Variants in CCDC3 observed in about 807,000 individuals in gnomAD.
CCDC3 encodes coiled-coil domain containing 3.
A neutral mutation model predicts 21.4 loss-of-function variants in CCDC3; 24 were observed. The observed-to-expected ratio is 1.12, with a 90% CI of 0.81 to 1.58. CCDC3 has a LOEUF of 1.58. CCDC3 is among the 40% of genes most tolerant of loss of function. The pLI is 0.00. For missense variants in CCDC3, 425 were observed against 360.9 expected (o/e 1.18, Z -1.44); for synonymous variants, 186 against 166.0 (o/e 1.12, Z -0.93).
At chr10:12,917,310 C>T (rs895623744) in intron 2 of CCDC3, among the ~76,000 whole-genome samples, 1 of 150,306 alleles carries the variant, frequency 6.7e-6, no homozygotes. Flanking sequence ...TCTCCTGCCT[C>T]AGCCTCCTGA....
At chr10:13,012,388 A>G (rs939507413) in intron 5 of CCDC3, among the ~76,000 whole-genome samples, 7 of 152,334 alleles carry the variant, frequency 4.6e-5, no homozygotes, top group African/African-American at 1.7e-4. Flanking sequence ...AAATGAACAG[A>G]TATTTTTCAA....
At chr10:13,084,178 A>C (rs1208928533) in intron 3 of CCDC3, among the ~76,000 whole-genome samples, 1 of 152,140 alleles carries the variant, frequency 6.6e-6, no homozygotes, top group African/African-American at 2.4e-5. Context: ...TTTATCCTAC[A>C]TAAATGAGTA....
At chr10:12,998,048 G>A (rs886242346) in intron 2 of CCDC3, among the ~76,000 whole-genome samples, 6 of 152,284 alleles carry the variant, frequency 3.9e-5, no homozygotes, top group Non-Finnish European at 8.8e-5. Context: ...TCCCTGTTCT[G>A]TAGAAGAGGA....
intron 2 of CCDC3, among the ~76,000 whole-genome samples, chr10:12,985,548 C>G (rs1164537272): frequency 6.6e-6 from 1 of 151,026 alleles, no homozygotes; most frequent in African/African-American, 2.4e-5. Flanking sequence ...GTAGGCAACT[C>G]GTTAAGCAAT....
chr10:12,998,946 G>T (rs185134716), intron 1 of CCDC3, among the ~76,000 whole-genome samples: 59 of 152,258 alleles, frequency 3.9e-4, no homozygotes, highest in African/African-American at 1.3e-3. Flanking sequence ...TCTGCAAAAA[G>T]AATATAGTAC....
At chr10:12,995,971 A>C (rs1835756258) in intron 2 of CCDC3, among the ~76,000 whole-genome samples, 1 of 152,232 alleles carries the variant, frequency 6.6e-6, no homozygotes, top group Admixed American at 6.5e-5. Context: ...TAAGATTTTA[A>C]GGGCTAACCT....
chr10:13,097,656 G>A (rs547880301), intron 3 of CCDC3, among the ~76,000 whole-genome samples: 31 of 152,300 alleles, frequency 2.0e-4, no homozygotes, highest in African/African-American at 7.5e-4. Flanking sequence ...CCCAGGAGGT[G>A]GAGATTGCAG....
intron 2 of CCDC3, among the ~76,000 whole-genome samples, chr10:12,975,317 T>C (rs778910883): frequency 6.6e-6 from 1 of 152,074 alleles, no homozygotes; most frequent in South Asian, 2.1e-4. Context: ...TGCCCTCCCA[T>C]GGAAACAAAC....
intron 2 of CCDC3, among the ~76,000 whole-genome samples, chr10:12,954,856 A>G (rs912350099): frequency 2.6e-5 from 4 of 152,238 alleles, no homozygotes; most frequent in Non-Finnish European, 5.9e-5. Flanking sequence ...TTATAATCCA[A>G]TGATTCAAAA....
intron 3 of CCDC3, among the ~76,000 whole-genome samples, chr10:13,084,252 T>A (rs536119234): frequency 1.3e-4 from 20 of 151,742 alleles, no homozygotes; most frequent in African/African-American, 3.4e-4. Context: ...GTCTATGGAG[T>A]AGCCATCTTT....
At chr10:12,900,324 T>C (rs1834072699) in intron 2 of CCDC3, among the ~76,000 whole-genome samples, 1 of 151,996 alleles carries the variant, frequency 6.6e-6, no homozygotes, top group African/African-American at 2.4e-5. Context: ...TTTTACCTCA[T>C]CAGAAGCTAC....
intron 3 of CCDC3, among the ~76,000 whole-genome samples, chr10:13,080,690 C>T (rs1483244545): frequency 6.6e-6 from 1 of 152,242 alleles, no homozygotes; most frequent in African/African-American, 2.4e-5. Context: ...CCCTCCAGCG[C>T]AGAGTTAATA....
intron 2 of CCDC3, among the ~76,000 whole-genome samples, chr10:12,963,052 G>T (rs1170646655): frequency 6.6e-6 from 1 of 152,122 alleles, no homozygotes; most frequent in Admixed American, 6.6e-5. Context: ...TTGGTTAAGA[G>T]ACCTTGGCTG....
chr10:12,914,532 G>A lies in CCDC3; in HGVS notation c.550-15853C>T, dbSNP rs926291181. ...GTGTCCTTGGCTCACTGCAACCTCCGCCTCCTGGGTCAAGCGATTCGCCTG... is the reference window on the plus strand; with the variant it reads ...GTGTCCTTGGCTCACTGCAACCTCCACCTCCTGGGTCAAGCGATTCGCCTG... On this transcript the variant is annotated intron_variant, in intron 2 of 2. Transcript: ENST00000378825. Among the ~76,000 whole-genome samples the A allele has an allele frequency of 3.9e-5, 6 of 152,034 alleles. No individual in the cohort carries two copies. The East Asian group carries it at 9.7e-4, about 24-fold the overall frequency.
At position 12,978,549 on chromosome 10, in the gene CCDC3, CCA is replaced by C. The variant is rs1491102781; in HGVS notation, c.549+19787_549+19788del. 6.3e-5 allele frequency among the ~76,000 whole-genome samples: 6 copies of C among 94,568 alleles called. 1 individual carries two copies. The East Asian group carries it at 7.4e-4, about 12-fold the overall frequency. The allele number at this position is 94,568 out of a possible 152,430, so 62.0% of individuals were successfully genotyped here. ...AATCTGCGGGTCCTGGAGAATGGAACCAGAGAGAGAGAGAGAGAGAGAGATAA... is the reference window on the plus strand; with the variant it reads ...AATCTGCGGGTCCTGGAGAATGGAACGAGAGAGAGAGAGAGAGAGAGATAA... On this transcript the variant is annotated intron_variant, in intron 2 of 2. Transcript: ENST00000378825.
chr10:12,904,468 T>TCAAAAAAAA (rs543775104), intron 2 of CCDC3, among the ~76,000 whole-genome samples: 1 of 40,902 alleles, frequency 2.4e-5, no homozygotes, highest in Non-Finnish European at 4.2e-5. Flanking sequence ...AAGCCAGTCT[T>TCAAAAAAAA]AAAAAAAAAA....
chr10:12,985,127 G>T (rs1564309434), intron 2 of CCDC3, among the ~76,000 whole-genome samples: 1 of 151,984 alleles, frequency 6.6e-6, no homozygotes, highest in African/African-American at 2.4e-5. Context: ...TTATGGTAAA[G>T]AACAAAAAAT....
chr10:12,920,047 A>G (rs1262481450), intron 2 of CCDC3, among the ~76,000 whole-genome samples: 1 of 152,208 alleles, frequency 6.6e-6, no homozygotes, highest in Admixed American at 6.5e-5. Context: ...TAAACATGCT[A>G]AGTGCATTAG....
intron 5 of CCDC3, among the ~76,000 whole-genome samples, chr10:13,011,048 G>A (rs963594192): frequency 1.3e-5 from 2 of 152,062 alleles, no homozygotes; most frequent in East Asian, 1.9e-4. Flanking sequence ...GGCCGCGGTG[G>A]TGCACACCTG....
Sources: allele counts gnomAD v4.1 joint callset (sites outside exome capture counted in the v4.1 genomes callset), GRCh38; gene constraint gnomAD v4.1.1; transcripts MANE v1.5; gene names NCBI Gene and HGNC (gene_info 2026-07-23, HGNC 2026-07-21).